Variants in AFF3 observed in about 807,000 individuals in gnomAD.
AFF3 encodes ALF transcription elongation factor 3.
Under a neutral mutation model 129.7 loss-of-function variants are expected in AFF3, and 32 were observed. That is an observed-to-expected ratio of 0.25 (90% confidence interval 0.19 to 0.33). The LOEUF (loss-of-function observed/expected upper bound fraction) is 0.33. AFF3 is among the 10% of genes least tolerant of loss of function. The pLI is 1.00. For synonymous variants in AFF3, 644 were observed against 635.4 expected, an observed-to-expected ratio of 1.01 and a Z score of -0.20; for missense variants, 1,373 against 1,592.0, an observed-to-expected ratio of 0.86 and a Z score of 2.34.
chr2:99,958,515 C>T (rs1676887953), intron 7 of AFF3, among the ~76,000 whole-genome samples: 2 of 149,708 alleles, frequency 1.3e-5, no homozygotes, highest in Admixed American at 6.7e-5. Context: ...GGACACAATG[C>T]GACACAATTC....
intron 7 of AFF3, among the ~76,000 whole-genome samples, chr2:99,957,146 C>T (rs982676605): frequency 4.0e-5 from 6 of 150,580 alleles, no homozygotes; most frequent in Non-Finnish European, 8.9e-5. Flanking sequence ...TGTGGACATA[C>T]GTGTGTGTGT....
At chr2:99,959,306 C>A (rs1441673082) in intron 7 of AFF3, among the ~76,000 whole-genome samples, 2 of 128,484 alleles carry the variant, frequency 1.6e-5, no homozygotes, top group Non-Finnish European at 3.1e-5. Flanking sequence ...CCATGCCCAG[C>A]TAATTTTCGT....
At position 100,105,531 on chromosome 2, in the gene AFF3, G is replaced by A; in HGVS notation, c.-92C>T. 7.5e-7 allele frequency: 1 copy of A among 1,331,840 alleles called. No homozygotes were observed. The highest frequency in any genetic ancestry group is 1.0e-6 in the Non-Finnish European group (1 of 1,004,916). 82.5% of individuals were successfully genotyped at this position (1,331,840 alleles called of 1,614,324 possible). ...GGAAGGGGGACAAACTGGCCTCTGG[G>A]TGTCGACTTCAAACTTGCCGCCCGT... On this transcript the variant is annotated 5_prime_UTR_variant, in exon 3 of 25. Coordinates refer to ENST00000672756, the MANE Select transcript of AFF3 (RefSeq NM_001386135.1).
rs183416176 is a variant in AFF3, at chr2:99,765,923, G to A, written c.922-13622C>T. On this transcript the variant is annotated intron_variant, in intron 8 of 24. Transcript: ENST00000672756. ...AGGGAAGGAAGAATGCTATCTCAGG[G>A]TCTGGAATTTTTCTTCAAAGGGATA... Among the ~76,000 whole-genome samples, 444 of 152,278 alleles carry A rather than the reference G, an allele frequency of 2.9e-3. 4 individuals are homozygous for A. The highest frequency in any genetic ancestry group is 9.7e-3 in the African/African-American group (402 of 41,544).
intron 7 of AFF3, among the ~76,000 whole-genome samples, chr2:99,922,833 C>T (rs1695946861): frequency 6.6e-6 from 1 of 152,154 alleles, no homozygotes; most frequent in Non-Finnish European, 1.5e-5. Flanking sequence ...AAATAAACCT[C>T]ACGGTTCCAG....
At chr2:99,886,615 T>C (rs1693132192) in intron 7 of AFF3, among the ~76,000 whole-genome samples, 1 of 152,208 alleles carries the variant, frequency 6.6e-6, no homozygotes, top group South Asian at 2.1e-4. Context: ...CATTGCATTT[T>C]GGACTTGAAG....
chr2:99,549,870 T>C lies in AFF3; in HGVS notation c.*1604A>G, dbSNP rs78214156. ...CTGTAAGAATATCAGTGAATGTTTATGGATCAGCATCTAGTCTAAGTATTT... is the reference window on the plus strand; with the variant it reads ...CTGTAAGAATATCAGTGAATGTTTACGGATCAGCATCTAGTCTAAGTATTT... On this transcript the variant is annotated 3_prime_UTR_variant, in exon 25 of 25. Coordinates refer to ENST00000672756, the MANE Select transcript of AFF3 (RefSeq NM_001386135.1). 422 of 225,390 alleles carry C rather than the reference T, an allele frequency of 1.9e-3. 2 individuals are homozygous for C. The highest frequency in any genetic ancestry group is 8.8e-3 in the African/African-American group (397 of 45,030). The allele number at this position is 225,390 out of a possible 1,614,324, so 14.0% of individuals were successfully genotyped here.
chr2:99,953,999 C>T (rs1001315179), intron 7 of AFF3, among the ~76,000 whole-genome samples: 2 of 152,230 alleles, frequency 1.3e-5, no homozygotes, highest in African/African-American at 4.8e-5. Flanking sequence ...GAGCCTGTAT[C>T]TGGTAGGTTT....
At chr2:99,937,218 G>C (rs761530360) in intron 7 of AFF3, among the ~76,000 whole-genome samples, 4 of 152,166 alleles carry the variant, frequency 2.6e-5, no homozygotes, top group Non-Finnish European at 5.9e-5. Context: ...TGCTCAGAAA[G>C]TTGAATTTTG....
intron 4 of AFF3, among the ~76,000 whole-genome samples, chr2:100,015,846 G>C (rs944467725): frequency 1.3e-5 from 2 of 151,190 alleles, no homozygotes; most frequent in Non-Finnish European, 3.0e-5. Flanking sequence ...GATGCTATAG[G>C]TGCGATGGTG....
chr2:99,721,233 A>G (rs1678861036), intron 11 of AFF3, among the ~76,000 whole-genome samples: 1 of 152,024 alleles, frequency 6.6e-6, no homozygotes, highest in African/African-American at 2.4e-5. Flanking sequence ...GATATTTTTG[A>G]TTATTTAGAA....
intron 11 of AFF3, among the ~76,000 whole-genome samples, chr2:99,687,104 A>T (rs575796271): frequency 6.6e-6 from 1 of 152,324 alleles, no homozygotes; most frequent in Admixed American, 6.5e-5. Context: ...TCTTTTAAAC[A>T]GTTTCCTGAG....
chr2:99,906,767 G>C (rs1007163609), intron 7 of AFF3, among the ~76,000 whole-genome samples: 2 of 151,762 alleles, frequency 1.3e-5, no homozygotes, highest in Non-Finnish European at 2.9e-5. Flanking sequence ...CACGGCTTTT[G>C]GACTTGCCTG....
At chr2:99,718,972 T>C (rs963653605) in intron 11 of AFF3, among the ~76,000 whole-genome samples, 3 of 151,650 alleles carry the variant, frequency 2.0e-5, no homozygotes, top group Admixed American at 6.6e-5. Flanking sequence ...AGGATGGTCT[T>C]GATCTCCTGA....
At chr2:99,683,889 T>C (rs557367101) in intron 11 of AFF3, among the ~76,000 whole-genome samples, 3 of 152,240 alleles carry the variant, frequency 2.0e-5, no homozygotes, top group Admixed American at 6.5e-5. Context: ...ATAAATACTA[T>C]GGGAGCACAG....
At chr2:99,552,871 T>C (rs150786670) in intron 24 of AFF3, among the ~76,000 whole-genome samples, 11 of 152,332 alleles carry the variant, frequency 7.2e-5, no homozygotes, top group Admixed American at 2.0e-4. Context: ...GTCCTTTCTG[T>C]TTTGTCCACT....
At chr2:99,657,915 G>A (rs529944532) in intron 12 of AFF3, among the ~76,000 whole-genome samples, 2 of 152,270 alleles carry the variant, frequency 1.3e-5, no homozygotes, top group South Asian at 2.1e-4. Context: ...TGTCAGGGAC[G>A]GCTCTAATTT....
chr2:99,792,938 T>C (rs1404262551), intron 8 of AFF3, among the ~76,000 whole-genome samples: 1 of 152,210 alleles, frequency 6.6e-6, no homozygotes, highest in Non-Finnish European at 1.5e-5. Flanking sequence ...TTCTGAGTAA[T>C]TTTGTACATG....
intron 7 of AFF3, among the ~76,000 whole-genome samples, chr2:99,983,350 C>G (rs769197912): frequency 1.3e-4 from 20 of 152,136 alleles, no homozygotes; most frequent in Non-Finnish European, 2.2e-4. Flanking sequence ...AGGCTGTTCC[C>G]CAATAGATCT....
Sources: gnomAD v4.1 joint callset for allele counts (sites outside exome capture counted in the v4.1 genomes callset) on GRCh38, gnomAD v4.1.1 for gene constraint, MANE v1.5 for transcripts, NCBI Gene and HGNC (gene_info 2026-07-23, HGNC 2026-07-21) for gene names.